FBXO21: variants seen among roughly 807,000 people sequenced by gnomAD.
FBXO21 encodes the protein F-box protein 21, also known as F-box only protein 21.
A neutral mutation model predicts 76.6 loss-of-function variants in FBXO21; 32 were observed. The ratio of observed to expected loss-of-function variants is 0.42; its 90% CI spans 0.32 to 0.56. The LOEUF (loss-of-function observed/expected upper bound fraction) is 0.56, where lower values mean the gene tolerates loss of function less well. Ranked by LOEUF, FBXO21 falls within the 20% of genes least tolerant of loss-of-function variation. FBXO21 has a pLI of 0.16. For missense variants in FBXO21, 586 were observed against 797.3 expected, an observed-to-expected ratio of 0.73 and a Z score of 3.19; for synonymous variants, 328 against 311.5, an observed-to-expected ratio of 1.05 and a Z score of -0.56.
intron 3 of FBXO21, among the ~76,000 whole-genome samples, chr12:117,185,131 G>A (rs890105831): frequency 3.9e-5 from 6 of 152,138 alleles, no homozygotes; most frequent in African/African-American, 1.4e-4. Flanking sequence ...TCCCATTTAT[G>A]TATTTTAAAG....
intron 3 of FBXO21, among the ~76,000 whole-genome samples, chr12:117,185,966 G>A (rs1034465498): frequency 1.3e-5 from 2 of 152,062 alleles, no homozygotes; most frequent in African/African-American, 2.4e-5. Flanking sequence ...TCCACCTCCC[G>A]GGTTCAAATG....
At chr12:117,178,209 A>G (rs1956193058) in intron 3 of FBXO21, among the ~76,000 whole-genome samples, 1 of 152,146 alleles carries the variant, frequency 6.6e-6, no homozygotes, top group African/African-American at 2.4e-5. Flanking sequence ...AGTGAGGCAT[A>G]AAACCTGCGA....
chr12:117,157,834 G>A, intron 10 of FBXO21, 39 bp downstream of exon 10: 1 of 1,530,106 alleles, frequency 6.5e-7, no homozygotes. Flanking sequence ...CAGCCCCTCT[G>A]GAACGGACAC....
chr12:117,179,684 C>A (rs1274042473), intron 3 of FBXO21, among the ~76,000 whole-genome samples: 1 of 152,132 alleles, frequency 6.6e-6, no homozygotes, highest in Non-Finnish European at 1.5e-5. Flanking sequence ...GGCAATAATG[C>A]CTGGGTGTTT....
intron 9 of FBXO21, among the ~76,000 whole-genome samples, chr12:117,159,991 C>T (rs1955959756): frequency 6.6e-6 from 1 of 152,182 alleles, no homozygotes; most frequent in Non-Finnish European, 1.5e-5. Context: ...CCGTCCCCAC[C>T]AAATACTCTA....
chr12:117,166,852 A>G, intron 8 of FBXO21, 46 bp downstream of exon 8: 1 of 1,552,642 alleles, frequency 6.4e-7, no homozygotes, highest in Non-Finnish European at 8.9e-7. Flanking sequence ...CAAGCCTCTA[A>G]AGACATGTGC....
intron 2 of FBXO21, chr12:117,188,885 TC>T: frequency 4.2e-6 from 1 of 240,144 alleles, no homozygotes; most frequent in Admixed American, 5.0e-5. Context: ...CATTGATGAT[TC>T]CCCAAATAAC....
chr12:117,148,818 A>G (rs2135843584), intron 11 of FBXO21, among the ~76,000 whole-genome samples: 1 of 152,340 alleles, frequency 6.6e-6, no homozygotes, highest in South Asian at 2.1e-4. Flanking sequence ...GGGACGCTCC[A>G]GCCCACATTA....
intron 8 of FBXO21, 129 bp downstream of exon 8, chr12:117,166,769 C>A: frequency 1.4e-6 from 1 of 697,308 alleles, no homozygotes; most frequent in Admixed American, 2.5e-5. Flanking sequence ...TTCCAGTACT[C>A]GCAAAGAGAA....
chr12:117,150,959 TGTGTGTGTGTGTG>T (rs1565994935), intron 11 of FBXO21, among the ~76,000 whole-genome samples: 220 of 38,886 alleles, frequency 5.7e-3, no homozygotes, highest in African/African-American at 0.043. Flanking sequence ...AATAAGTTTG[TGTGTGTGTGTGTG>T]TGTGTGTGTG....
intron 9 of FBXO21, among the ~76,000 whole-genome samples, chr12:117,158,488 AT>A (rs1955942158): frequency 6.6e-6 from 1 of 152,102 alleles, no homozygotes; most frequent in Non-Finnish European, 1.5e-5. Context: ...CACAGGAATG[AT>A]TTTCACTTGC....
intron 4 of FBXO21, among the ~76,000 whole-genome samples, chr12:117,177,280 T>G (rs1252952260): frequency 6.6e-6 from 1 of 152,236 alleles, no homozygotes; most frequent in African/African-American, 2.4e-5. Flanking sequence ...TTTAAGCCAA[T>G]GATGCATCTT....
At chr12:117,153,502 GGAGCCCAGAGAA>G (rs1427074208) in intron 11 of FBXO21, among the ~76,000 whole-genome samples, 11 of 152,224 alleles carry the variant, frequency 7.2e-5, no homozygotes, top group African/African-American at 2.4e-4. Flanking sequence ...AGGTGGGCAC[GGAGCCCAGAGAA>G]GAGCCCAGAG....
Position 117,187,420 on chromosome 12 carries a change from C to CAA in FBXO21, c.376-851_376-850dup, listed in dbSNP as rs921514232. Among the ~76,000 whole-genome samples, 187 of 59,614 alleles carry CAA rather than the reference C, an allele frequency of 3.1e-3. 4 individuals carry two copies. Among genetic ancestry groups the CAA allele is most frequent in the South Asian group, 0.015 (23 of 1,502 alleles). The allele number at this position is 59,614 out of a possible 152,430, so 39.1% of individuals were successfully genotyped here. A position where few individuals can be genotyped will look rare whatever the true frequency, so the allele number is the denominator to read the frequency against. ...GGGCAACAAGAGTGAAACTCTGTCT[C>CAA]AAAAAAAAAAAAAAAAAAAAAAAAA... On this transcript the variant is annotated intron_variant, in intron 2 of 11. Transcript: ENST00000622495.
rs551794172 is a variant in FBXO21 at position 117,184,166 on chromosome 12, C to A, written c.470+2311G>T. ...GTCTTCTGTATATATTTTATGACAT[C>A]CAAATGAAAGAAAAGAAAAAAGCAA... On this transcript the variant is annotated intron_variant, in intron 3 of 11. Transcript: ENST00000622495. 1.7e-4 allele frequency among the ~76,000 whole-genome samples: 26 copies of A among 150,678 alleles called. No homozygotes were observed. In the South Asian group the frequency reaches 5.6e-3, roughly 32 times the overall value.
intron 10 of FBXO21, 65 bp downstream of exon 10, chr12:117,157,808 T>A: frequency 7.1e-7 from 1 of 1,412,442 alleles, no homozygotes; most frequent in South Asian, 1.4e-5. Flanking sequence ...GCTCACCAGG[T>A]GCATGTGTGT....
chr12:117,177,721 T>A (rs1956189018), intron 3 of FBXO21, 80 bp from the exon 4 acceptor site: 2 of 1,190,420 alleles, frequency 1.7e-6, no homozygotes, highest in East Asian at 2.4e-5. Flanking sequence ...ACATACCATG[T>A]AGTTTGCTTA....
chr12:117,167,026 G>C lies in FBXO21; in HGVS notation c.1065C>G (p.Gly355=), dbSNP rs1264548605. 6.2e-7 allele frequency: 1 copy of C among 1,614,108 alleles called. No homozygotes were observed. Among genetic ancestry groups the C allele is most frequent in the Non-Finnish European group, 8.5e-7 (1 of 1,180,020 alleles). Residue 355 remains glycine, a synonymous_variant, in exon 8 of 12, where the codon GGC becomes GGG. Coordinates refer to ENST00000622495, the MANE Select transcript of FBXO21 (RefSeq NM_015002.3). The part of the protein sequence containing the change: ...DYIYIDAFGK[G]KQLTVKECEY... Reference sequence around the variant, plus strand: ...CGCATTCTTTCACTGTCAGCTGCTTGCCTTTCCCAAAAGCATCTATGTAGA... The same window carrying C: ...CGCATTCTTTCACTGTCAGCTGCTTCCCTTTCCCAAAAGCATCTATGTAGA...
intron 2 of FBXO21, among the ~76,000 whole-genome samples, chr12:117,188,316 C>T (rs902604964): frequency 6.6e-6 from 1 of 152,238 alleles, no homozygotes; most frequent in Non-Finnish European, 1.5e-5. Context: ...TTGCAGAGGC[C>T]GGCGGATCAC....
Sources: allele counts gnomAD v4.1 joint callset (sites outside exome capture counted in the v4.1 genomes callset), GRCh38; gene constraint gnomAD v4.1.1; transcripts MANE v1.5; gene names NCBI Gene and HGNC (gene_info 2026-07-23, HGNC 2026-07-21).